SDS: variants seen among roughly 807,000 people sequenced by gnomAD.
The protein encoded by SDS is L-serine dehydratase/L-threonine deaminase.
SDS carries 19 observed loss-of-function variants against 29.3 expected under a neutral mutation model. The ratio of observed to expected loss-of-function variants is 0.65; its 90% CI spans 0.45 to 0.95. The LOEUF is 0.95. Among genes scored for constraint, SDS ranks in the 40% least tolerant of loss-of-function variants. The pLI is 0.00. For missense variants in SDS, 375 were observed against 439.9 expected, an observed-to-expected ratio of 0.85 and a Z score of 1.32; for synonymous variants, 176 against 189.0, an observed-to-expected ratio of 0.93 and a Z score of 0.56.
At position 113,397,259 on chromosome 12, in the gene SDS, C is replaced by T. The variant is rs759076665; in HGVS notation, c.559G>A (p.Asp187Asn). 1 of 1,614,128 alleles carries T rather than the reference C, an allele frequency of 6.2e-7. No homozygotes were observed. Among genetic ancestry groups the T allele is most frequent in the South Asian group, 1.1e-5 (1 of 91,078 alleles). The change falls in exon 6 of 8, where the codon GAC (aspartate) becomes AAC (asparagine). Residue 187 changes from aspartate to asparagine, a missense_variant. By Grantham distance (23) the Asp-to-Asn change is conservative. Coordinates refer to ENST00000257549, the MANE Select transcript of SDS (RefSeq NM_006843.3). ...GTCTCCATGGCGATGACAGGCACGT[C>T]CCCCCAGCCCACCTCCTGCAGCCCC... is the stretch of plus-strand genomic sequence containing the variant. Reference protein sequence around the residue: ...VQGLQEVGWGDVPVIAMETFG... With the variant: ...VQGLQEVGWGNVPVIAMETFG...
intron 6 of SDS, among the ~76,000 whole-genome samples, chr12:113,396,324 T>C (rs114168864): frequency 0.019 from 2,789 of 150,680 alleles, 79 homozygotes; most frequent in African/African-American, 0.063. Flanking sequence ...CTTCCTTCCT[T>C]CCTCCCTCCC....
chr12:113,397,786 G>T (rs1957657000), intron 5 of SDS, among the ~76,000 whole-genome samples: 1 of 152,056 alleles, frequency 6.6e-6, no homozygotes, highest in Non-Finnish European at 1.5e-5. Flanking sequence ...TGACATTTTG[G>T]ACTGGATGAT....
rs1957617866 is a variant in SDS, at chr12:113,392,632, C to G, written c.*309G>C. 1 of 362,834 alleles carries G rather than the reference C, an allele frequency of 2.8e-6. No individual in the cohort carries two copies. Among genetic ancestry groups the G allele is most frequent in the Non-Finnish European group, 5.0e-6 (1 of 198,764 alleles). 22.5% of individuals were successfully genotyped at this position (362,834 alleles called of 1,614,324 possible). ...CACAGCTTTGAGGAATTCCTCACTG[C>G]TGTGATTCAGGTCTCTCCTGTCCAC... is the stretch of plus-strand genomic sequence containing the variant. On this transcript the variant is annotated 3_prime_UTR_variant, in exon 8 of 8. Coordinates refer to ENST00000257549, the MANE Select transcript of SDS (RefSeq NM_006843.3).
At position 113,397,254 on chromosome 12, in the gene SDS, C is replaced by A; in HGVS notation, c.564G>T (p.Val188=). Residue 188 remains valine, a synonymous_variant, in exon 6 of 8, where the codon GTG becomes GTT. Coordinates refer to ENST00000257549, the MANE Select transcript of SDS (RefSeq NM_006843.3). ...QGLQEVGWGD[V]PVIAMETFGA... is the part of the protein sequence containing the mutation. ...CAAAAGTCTCCATGGCGATGACAGG[C>A]ACGTCCCCCCAGCCCACCTCCTGCA... 6.2e-7 allele frequency: 1 copy of A among 1,614,194 alleles called. No individual in the cohort carries two copies. Among genetic ancestry groups the A allele is most frequent in the Non-Finnish European group, 8.5e-7 (1 of 1,180,034 alleles).
At chr12:113,399,731 C>T (rs1957672850) in intron 1 of SDS, 21 bp from the exon 2 acceptor site, 2 of 1,544,230 alleles carry the variant, frequency 1.3e-6, no homozygotes, top group Admixed American at 4.0e-5. Context: ...GGAAGGAAAC[C>T]CAGAGGGTTA....
chr12:113,403,193 A>G (rs1957695099), intron 1 of SDS, among the ~76,000 whole-genome samples: 2 of 151,970 alleles, frequency 1.3e-5, no homozygotes, highest in Admixed American at 6.6e-5. Context: ...GGGGCGCAAT[A>G]ATTGCTCACT....
rs370968171 is a variant in SDS at position 113,396,940 on chromosome 12, C to T, written c.653+225G>A. 2.2e-5 allele frequency: 13 copies of T among 585,782 alleles called. No individual in the cohort carries two copies. In the Middle Eastern group the frequency reaches 2.2e-3, roughly 101 times the overall value. 36.3% of individuals were successfully genotyped at this position (585,782 alleles called of 1,614,324 possible). A position where few individuals can be genotyped will look rare whatever the true frequency, so the allele number is the denominator to read the frequency against. ...AGGCACAAGTCACTGTGCCCAGCCT[C>T]ATATGAGGCTTTTCACGTGAGGAAG... On this transcript the variant is annotated intron_variant, in intron 6 of 7. Coordinates refer to ENST00000257549, the MANE Select transcript of SDS (RefSeq NM_006843.3).
chr12:113,399,758 T>G, intron 1 of SDS, 48 bp from the exon 2 acceptor site: 1 of 1,440,192 alleles, frequency 6.9e-7, no homozygotes, highest in African/African-American at 1.4e-5. Context: ...CTAGCCCCGG[T>G]GCCAGCACTG....
At chr12:113,398,645 AG>A (rs1375400394) in intron 4 of SDS, 39 bp from the exon 5 acceptor site, 1 of 1,603,022 alleles carries the variant, frequency 6.2e-7, no homozygotes, top group African/African-American at 1.3e-5. Flanking sequence ...GGTGAGGCAC[AG>A]GGGGCACCCT....
At position 113,392,731 on chromosome 12, in the gene SDS, G is replaced by A; in HGVS notation, c.*210C>T. On this transcript the variant is annotated 3_prime_UTR_variant, in exon 8 of 8. Coordinates refer to ENST00000257549, the MANE Select transcript of SDS (RefSeq NM_006843.3). ...CAAGTTGGCTAAGGATGGGCACAGAGCAGTCACACAGATACCAAAAAGGTC... is the reference window on the plus strand; with the variant it reads ...CAAGTTGGCTAAGGATGGGCACAGAACAGTCACACAGATACCAAAAAGGTC... 1.7e-6 allele frequency: 1 copy of A among 599,556 alleles called. No individual in the cohort carries two copies. Among genetic ancestry groups the A allele is most frequent in the Non-Finnish European group, 2.9e-6 (1 of 339,804 alleles). 37.1% of individuals were successfully genotyped at this position (599,556 alleles called of 1,614,324 possible).
Position 113,399,154 on chromosome 12 carries a change from G to A in SDS, c.154-3C>T. On this transcript the variant is annotated splice_polypyrimidine_tract_variant and splice_region_variant and intron_variant, in intron 2 of 7. Coordinates refer to ENST00000257549, the MANE Select transcript of SDS (RefSeq NM_006843.3). Reference sequence around the variant, plus strand: ...TGTGCACAGCCTTGCTTGGCCCACTGTGGAGACAACAGGAGAGGCACTCAG... The same window carrying A: ...TGTGCACAGCCTTGCTTGGCCCACTATGGAGACAACAGGAGAGGCACTCAG... 1 of 1,613,804 alleles carries A rather than the reference G, an allele frequency of 6.2e-7. No individual in the cohort carries two copies. Among genetic ancestry groups the A allele is most frequent in the Non-Finnish European group, 8.5e-7 (1 of 1,179,860 alleles).
rs369935664 is a variant in SDS at position 113,397,410 on chromosome 12, G to C, written c.426-18C>G. The C allele has an allele frequency of 4.7e-4, 746 of 1,586,766 alleles. No individual in the cohort carries two copies. Among genetic ancestry groups the C allele is most frequent in the Non-Finnish European group, 5.9e-4 (688 of 1,161,444 alleles). ...GGCCTTCCCTGGAGGGTGGGGAGAGGGGGTGGCAGGTCAGGGCTAGGCTTC... is the reference window on the plus strand; with the variant it reads ...GGCCTTCCCTGGAGGGTGGGGAGAGCGGGTGGCAGGTCAGGGCTAGGCTTC... On this transcript the variant is annotated intron_variant, in intron 5 of 7. Coordinates refer to ENST00000257549, the MANE Select transcript of SDS (RefSeq NM_006843.3).
rs140453059 is a variant in SDS, at chr12:113,397,383, G to T, written c.435C>A (p.His145Gln). Residue 145 changes from histidine (H) to glutamine (Q), a missense_variant, in exon 6 of 8, where the codon CAC (histidine) becomes CAA (glutamine). Physicochemically the swap from His to Gln is conservative, Grantham distance 24. Transcript: ENST00000257549. ...CCTTCAGCTCTTTCACGATGGAAGCGTGGCCTTCCCTGGAGGGTGGGGAGA... is the reference window on the plus strand; with the variant it reads ...CCTTCAGCTCTTTCACGATGGAAGCTTGGCCTTCCCTGGAGGGTGGGGAGA... ...PFDDPLIWEG[H>Q]ASIVKELKET... 1 of 1,607,866 alleles carries T rather than the reference G, an allele frequency of 6.2e-7. No homozygotes were observed. The highest frequency in any genetic ancestry group is 8.5e-7 in the Non-Finnish European group (1 of 1,175,456).
rs1225732343 is a variant in SDS at position 113,393,232 on chromosome 12, G to A, written c.779-83C>T. On this transcript the variant is annotated intron_variant, in intron 7 of 7. Transcript: ENST00000257549. ...CTGACAGGCCATTGGCAGGACCTGG[G>A]AATACTGAGCCAATCAGCTCTCAGC... 2.3e-6 allele frequency: 3 copies of A among 1,304,910 alleles called. No homozygotes were observed. In the East Asian group the frequency reaches 6.9e-5, roughly 30 times the overall value. 80.8% of individuals were successfully genotyped at this position (1,304,910 alleles called of 1,614,324 possible). A position where few individuals can be genotyped will look rare whatever the true frequency, so the allele number is the denominator to read the frequency against.
At chr12:113,398,016 CAT>C (rs1270285951) in intron 5 of SDS, among the ~76,000 whole-genome samples, 2 of 151,314 alleles carry the variant, frequency 1.3e-5, no homozygotes, top group East Asian at 1.9e-4. Context: ...CATTTGGTGA[CAT>C]GTGTGCACTT....
At chr12:113,399,231 C>T in intron 2 of SDS, 80 bp from the exon 3 acceptor site, 2 of 1,432,484 alleles carry the variant, frequency 1.4e-6, no homozygotes, top group South Asian at 2.3e-5. Flanking sequence ...GGAATACCTG[C>T]CAGGATTCCA....
intron 1 of SDS, among the ~76,000 whole-genome samples, chr12:113,402,338 G>A (rs113537031): frequency 0.01 from 1,597 of 152,240 alleles, 34 homozygotes; most frequent in African/African-American, 0.035. Flanking sequence ...TGTCACCCAG[G>A]CTGGAGTGCA....
intron 1 of SDS, among the ~76,000 whole-genome samples, chr12:113,403,162 T>G (rs1957694887): frequency 6.6e-6 from 1 of 152,108 alleles, no homozygotes; most frequent in African/African-American, 2.4e-5. Flanking sequence ...GGTCTTGCTG[T>G]GTCACCCAGG....
intron 4 of SDS, 42 bp from the exon 5 acceptor site, chr12:113,398,648 G>A (rs768891734): frequency 6.9e-6 from 11 of 1,605,008 alleles, no homozygotes; most frequent in South Asian, 1.1e-5. Flanking sequence ...GAGGCACAGG[G>A]GGCACCCTGT....
Sources: allele counts gnomAD v4.1 joint callset (sites outside exome capture counted in the v4.1 genomes callset), GRCh38; gene constraint gnomAD v4.1.1; transcripts MANE v1.5; gene names NCBI Gene and HGNC (gene_info 2026-07-23, HGNC 2026-07-21).